Variants in PKP2 observed in about 807,000 individuals in gnomAD.
PKP2 encodes the protein plakophilin-2.
In PKP2, 73 loss-of-function variants were observed where a neutral mutation model predicts 83.4. That is an observed-to-expected ratio of 0.88 (90% confidence interval 0.72 to 1.06). PKP2 has a LOEUF of 1.06. PKP2 is among the 50% of genes least tolerant of loss of function. The pLI is 0.00. For synonymous variants in PKP2, 409 were observed against 430.4 expected (o/e 0.95, Z 0.62); for missense variants, 966 against 1,065.4 (o/e 0.91, Z 1.30).
At position 32,792,666 on chromosome 12, in the gene PKP2, TC is replaced by T. The variant is rs1353074803; in HGVS notation, c.2422del (p.Glu808AsnfsTer79). The stretch of plus-strand genomic sequence containing the variant: ...TACCTTCTTGTAGGCATGATGCAGT[TC>T]CGTGTGTGCCCACAGAGAATACAGA... ...VLLYSLWAHT[E>X]LHHAYKKAQF... On this transcript the variant is annotated frameshift_variant, in exon 12 of 13. Coordinates refer to ENST00000340811, the MANE Select transcript of PKP2 (RefSeq NM_001005242.3). LOFTEE classifies it high-confidence loss of function. 1 of 1,614,088 alleles carries T rather than the reference TC, an allele frequency of 6.2e-7. No individual in the cohort carries two copies. The highest frequency in any genetic ancestry group is 2.2e-5 in the East Asian group (1 of 44,886).
chr12:32,856,546 T>C (rs1380413179), intron 4 of PKP2, among the ~76,000 whole-genome samples: 1 of 151,846 alleles, frequency 6.6e-6, no homozygotes, highest in African/African-American at 2.4e-5. Flanking sequence ...AGGTGGGAAC[T>C]GAACAATGAG....
intron 4 of PKP2, among the ~76,000 whole-genome samples, chr12:32,866,061 C>T (rs557504344): frequency 2.0e-5 from 3 of 151,814 alleles, no homozygotes; most frequent in African/African-American, 7.3e-5. Context: ...AAATGAAAAC[C>T]TATTAGGAGA....
chr12:32,802,140 GTTAA>G (rs1956186156), intron 10 of PKP2, among the ~76,000 whole-genome samples: 1 of 151,496 alleles, frequency 6.6e-6, no homozygotes, highest in Non-Finnish European at 1.5e-5. Context: ...TACTTATCTT[GTTAA>G]TTATTAGTAT....
chr12:32,852,667 G>T (rs916436526), intron 4 of PKP2, among the ~76,000 whole-genome samples: 2 of 152,174 alleles, frequency 1.3e-5, no homozygotes, highest in African/African-American at 4.8e-5. Context: ...ACGTAATAAG[G>T]AGTAAATACT....
intron 4 of PKP2, among the ~76,000 whole-genome samples, chr12:32,862,110 C>T (rs951144467): frequency 4.6e-5 from 7 of 152,150 alleles, no homozygotes; most frequent in South Asian, 2.1e-4. Context: ...TTGCCCAGGC[C>T]GGTCTTGAAC....
chr12:32,845,069 T>G (rs1956633039), intron 5 of PKP2, among the ~76,000 whole-genome samples: 2 of 152,178 alleles, frequency 1.3e-5, no homozygotes, highest in Admixed American at 1.3e-4. Flanking sequence ...TGCCTGTAAT[T>G]TTCTACCATG....
chr12:32,854,263 T>G (rs1956726141), intron 4 of PKP2, among the ~76,000 whole-genome samples: 1 of 152,218 alleles, frequency 6.6e-6, no homozygotes, highest in African/African-American at 2.4e-5. Flanking sequence ...TTTATCACCT[T>G]GGCTTTCAGC....
rs1454273878 is a variant in PKP2 at position 32,792,578 on chromosome 12, C to G, written c.2445+66G>C. Reference sequence around the variant, plus strand: ...TTTTTTAGCGATTTCTTCCCAGGGTCAAGTCAAGTGGGCCATTATTACCTG... The same window carrying G: ...TTTTTTAGCGATTTCTTCCCAGGGTGAAGTCAAGTGGGCCATTATTACCTG... On this transcript the variant is annotated intron_variant, in intron 12 of 12. Transcript: ENST00000340811. 1.9e-6 allele frequency: 3 copies of G among 1,549,160 alleles called. No homozygotes were observed. The African/African-American group carries it at 4.1e-5, about 21-fold the overall frequency.
At chr12:32,882,148 A>G (rs1413327107) in intron 1 of PKP2, among the ~76,000 whole-genome samples, 1 of 152,210 alleles carries the variant, frequency 6.6e-6, no homozygotes, top group Non-Finnish European at 1.5e-5. Context: ...CTGATACATA[A>G]GAAATCCAAT....
At chr12:32,888,483 TTTTC>T (rs1257119292) in intron 1 of PKP2, among the ~76,000 whole-genome samples, 1 of 151,884 alleles carries the variant, frequency 6.6e-6, no homozygotes, top group African/African-American at 2.4e-5. Context: ...CTAACCCAAC[TTTTC>T]TTTTTCTTTT....
chr12:32,880,382 A>G (rs1565600288), intron 1 of PKP2, among the ~76,000 whole-genome samples: 1 of 152,298 alleles, frequency 6.6e-6, no homozygotes, highest in East Asian at 1.9e-4. Flanking sequence ...CCAGGGCGAC[A>G]GAGCAAGACT....
At chr12:32,829,260 A>AT (rs35628018) in intron 6 of PKP2, among the ~76,000 whole-genome samples, 19,393 of 138,458 alleles carry the variant, frequency 0.14, 1,329 homozygotes, top group South Asian at 0.2. Context: ...ATTTTTTCTT[A>AT]TTTTTTTTTT....
At chr12:32,884,140 T>C (rs1319179786) in intron 1 of PKP2, among the ~76,000 whole-genome samples, 1 of 152,228 alleles carries the variant, frequency 6.6e-6, no homozygotes, top group Non-Finnish European at 1.5e-5. Flanking sequence ...TCATCAGACT[T>C]CTGCATGACT....
intron 1 of PKP2, among the ~76,000 whole-genome samples, chr12:32,894,991 G>T (rs1039094608): frequency 6.6e-6 from 1 of 152,070 alleles, no homozygotes; most frequent in African/African-American, 2.4e-5. Flanking sequence ...CCACGGAGAG[G>T]CTTAGCATCT....
intron 11 of PKP2, among the ~76,000 whole-genome samples, chr12:32,793,507 T>C (rs1472398267): frequency 2.0e-5 from 3 of 151,918 alleles, no homozygotes; most frequent in Admixed American, 2.0e-4. Context: ...GTTAAAGCAG[T>C]TTCAAAATCT....
chr12:32,844,353 A>G (rs1565588210), intron 5 of PKP2, among the ~76,000 whole-genome samples: 1 of 152,200 alleles, frequency 6.6e-6, no homozygotes, highest in Non-Finnish European at 1.5e-5. Context: ...ATATGAGATA[A>G]AAGTTTAATA....
intron 6 of PKP2, among the ~76,000 whole-genome samples, chr12:32,829,383 T>G (rs1956477319): frequency 6.6e-6 from 1 of 151,466 alleles, no homozygotes; most frequent in African/African-American, 2.4e-5. Context: ...GCCTCCTGAG[T>G]AGCTGGGACT....
chr12:32,867,737 T>A (rs1346268689), intron 4 of PKP2, among the ~76,000 whole-genome samples: 3 of 152,228 alleles, frequency 2.0e-5, no homozygotes, highest in East Asian at 3.8e-4. Flanking sequence ...GTATAAAATA[T>A]CTCTGGAAAG....
intron 6 of PKP2, among the ~76,000 whole-genome samples, chr12:32,840,634 T>C (rs1956581613): frequency 6.6e-6 from 1 of 152,206 alleles, no homozygotes; most frequent in Non-Finnish European, 1.5e-5. Context: ...TAGCCTTCAG[T>C]AGCTAACATA....
Sources: allele counts gnomAD v4.1 joint callset (sites outside exome capture counted in the v4.1 genomes callset), GRCh38; gene constraint gnomAD v4.1.1; transcripts MANE v1.5; gene names NCBI Gene and HGNC (gene_info 2026-07-23, HGNC 2026-07-21).